Variants in STRBP observed in about 807,000 individuals in gnomAD.
STRBP encodes spermatid perinuclear RNA binding protein.
In STRBP, 13 loss-of-function variants were observed where a neutral mutation model predicts 80.1. The observed-to-expected ratio is 0.16, with a 90% CI of 0.11 to 0.26. The LOEUF (loss-of-function observed/expected upper bound fraction) is 0.26. Among genes scored for constraint, STRBP ranks in the 10% least tolerant of loss-of-function variants. STRBP has a pLI of 1.00. For synonymous variants in STRBP, 284 were observed against 291.2 expected (o/e 0.98, Z 0.25); for missense variants, 485 against 815.2 (o/e 0.59, Z 4.93).
In STRBP at chr9:123,179,040, A is replaced by G. The variant is rs202192111; in HGVS notation, c.191T>C (p.Val64Ala). The G allele has an allele frequency of 1.1e-5, 18 of 1,614,042 alleles. No homozygotes were observed. The highest frequency in any genetic ancestry group is 1.4e-5 in the Non-Finnish European group (17 of 1,179,970). The change falls in exon 4 of 19, where the codon GTG becomes GCG. Residue 64 changes from valine (V) to alanine (A), a missense_variant. By Grantham distance (64) the Val-to-Ala change is moderately conservative. This residue lies in a region of STRBP where 377 missense variants were observed against 616.1 expected (regional missense o/e 0.61). Transcript: ENST00000348403. Reference protein sequence around the residue: ...KGTKTEGETEVKKDEAGENYS... With the variant: ...KGTKTEGETEAKKDEAGENYS... ...GTTTTCTCCGGCCTCATCTTTCTTCACTTCTGTCTCACCCTCTGTTTTTGT... is the reference window on the plus strand; with the variant it reads ...GTTTTCTCCGGCCTCATCTTTCTTCGCTTCTGTCTCACCCTCTGTTTTTGT...
chr9:123,215,315 C>A lies in STRBP; in HGVS notation c.-165+21515G>T, dbSNP rs2039860049. 3.4e-5 allele frequency among the ~76,000 whole-genome samples: 5 copies of A among 149,090 alleles called. No individual in the cohort carries two copies. The South Asian group carries it at 1.1e-3, about 31-fold the overall frequency. Reference sequence around the variant, plus strand: ...CAAGCGATTCTCCAGCCTCAGCCTCCCAAAGCTCTGGGATTATAGGCATGA... The same window carrying A: ...CAAGCGATTCTCCAGCCTCAGCCTCACAAAGCTCTGGGATTATAGGCATGA... On this transcript the variant is annotated intron_variant, in intron 2 of 18. Coordinates refer to ENST00000348403, the MANE Select transcript of STRBP (RefSeq NM_018387.5).
intron 1 of STRBP, among the ~76,000 whole-genome samples, chr9:123,260,194 GGAGA>G (rs750247263): frequency 6.6e-6 from 1 of 152,134 alleles, no homozygotes; most frequent in Non-Finnish European, 1.5e-5. Flanking sequence ...TGATGTTGCA[GGAGA>G]GAGAGAGACA....
chr9:123,145,178 T>A (rs924559479), intron 13 of STRBP, among the ~76,000 whole-genome samples: 2 of 152,168 alleles, frequency 1.3e-5, no homozygotes, highest in African/African-American at 4.8e-5. Context: ...GTCATTCAGA[T>A]CATAACTGAT....
intron 3 of STRBP, among the ~76,000 whole-genome samples, chr9:123,181,996 T>C (rs534756054): frequency 2.5e-4 from 38 of 150,998 alleles, no homozygotes; most frequent in African/African-American, 9.2e-4. Flanking sequence ...GGGTGGATCA[T>C]CAGAGGTCAG....
chr9:123,206,902 T>C (rs796570672), intron 2 of STRBP, among the ~76,000 whole-genome samples: 45 of 152,300 alleles, frequency 3.0e-4, no homozygotes, highest in African/African-American at 1.0e-3. Context: ...CCTCCCAAAG[T>C]GCTAGAATTA....
intron 11 of STRBP, among the ~76,000 whole-genome samples, chr9:123,151,855 A>C (rs2132368146): frequency 1.3e-5 from 2 of 152,268 alleles, no homozygotes; most frequent in Middle Eastern, 6.8e-3. Context: ...AACAGAATAC[A>C]AACATGCAAC....
rs1296461965 is a variant in STRBP, at chr9:123,135,449, T to A, written c.1773+592A>T. 3.2e-4 allele frequency among the ~76,000 whole-genome samples: 48 copies of A among 152,206 alleles called. 1 individual carries two copies. The highest frequency in any genetic ancestry group is 3.1e-3 in the Admixed American group (48 of 15,282). On this transcript the variant is annotated intron_variant, in intron 16 of 18. Transcript: ENST00000348403. ...AATGTTTTTTGAATGCATAAATGAA[T>A]GGATGGAAGAATCTCATATCCACAA...
downstream of STRBP, among the ~76,000 whole-genome samples, chr9:123,120,396 T>A (rs1228374486): frequency 1.3e-5 from 2 of 150,122 alleles, no homozygotes; most frequent in Non-Finnish European, 3.0e-5. Context: ...GGGAAGACCA[T>A]TCACAGAGCA....
At chr9:123,137,109 G>A (rs2036388491) in intron 14 of STRBP, among the ~76,000 whole-genome samples, 1 of 152,126 alleles carries the variant, frequency 6.6e-6, no homozygotes, top group South Asian at 2.1e-4. Flanking sequence ...TATCATCACT[G>A]CAAAATAACG....
chr9:123,264,348 G>A (rs1321071251), intron 1 of STRBP, among the ~76,000 whole-genome samples: 1 of 152,212 alleles, frequency 6.6e-6, no homozygotes, highest in Non-Finnish European at 1.5e-5. Context: ...AAATTGGAAA[G>A]GTAAGCAGAC....
At chr9:123,218,839 CAAT>C (rs1008229035) in intron 2 of STRBP, among the ~76,000 whole-genome samples, 1 of 152,064 alleles carries the variant, frequency 6.6e-6, no homozygotes, top group Non-Finnish European at 1.5e-5. Flanking sequence ...ATAACACTAA[CAAT>C]AATAATAAAA....
intron 1 of STRBP, among the ~76,000 whole-genome samples, chr9:123,256,018 C>CTTTTTTTTTTTTTTTTTTTTTTTT (rs11338372): frequency 9.8e-5 from 7 of 71,482 alleles, no homozygotes; most frequent in Admixed American, 1.7e-4. Flanking sequence ...TCCTTTCTTT[C>CTTTTTTTTTTTTTTTTTTTTTTTT]TTTTTTTTTT....
At chr9:123,209,914 T>C (rs1001050172) in intron 2 of STRBP, among the ~76,000 whole-genome samples, 2 of 152,146 alleles carry the variant, frequency 1.3e-5, no homozygotes, top group African/African-American at 4.8e-5. Flanking sequence ...AAAGGGTAAA[T>C]CATTCAAGAA....
chr9:123,120,007 A>G (rs1429150766), downstream of STRBP, among the ~76,000 whole-genome samples: 4 of 152,190 alleles, frequency 2.6e-5, no homozygotes, highest in African/African-American at 9.7e-5. Flanking sequence ...GTGGGAAAGG[A>G]TATCTATTCT....
rs143724633 is a variant in STRBP at position 123,262,657 on chromosome 9, G to C, written c.-302+5779C>G. 3.0e-3 allele frequency among the ~76,000 whole-genome samples: 460 copies of C among 152,338 alleles called. 3 individuals are homozygous for C. Among genetic ancestry groups the C allele is most frequent in the Admixed American group, 9.0e-3 (137 of 15,300 alleles). ...AAAGCAGATGTTTTACACAGCGCTA[G>C]TTATGTCAGAAGTTAAGAGAATCTG... On this transcript the variant is annotated intron_variant, in intron 1 of 18. Coordinates refer to ENST00000348403, the MANE Select transcript of STRBP (RefSeq NM_018387.5).
chr9:123,130,499 C>A (rs1206975838), intron 17 of STRBP, among the ~76,000 whole-genome samples: 4 of 152,058 alleles, frequency 2.6e-5, no homozygotes, highest in Admixed American at 6.6e-5. Context: ...TAGCCATTTA[C>A]CACTCTAGCA....
At chr9:123,159,238 T>G (rs780613603) in intron 8 of STRBP, 31 bp from the exon 9 acceptor site, 28 of 1,465,648 alleles carry the variant, frequency 1.9e-5, no homozygotes, top group Non-Finnish European at 2.7e-5. Context: ...AATTAGTACA[T>G]GCACCAAGTG....
At chr9:123,114,450 C>CTT (rs1034296849) in intron 3 of STRBP, 6 of 167,130 alleles carry the variant, frequency 3.6e-5, no homozygotes, top group African/African-American at 1.4e-4. Context: ...AATGGATTAA[C>CTT]TTTTTGCCAA....
intron 11 of STRBP, among the ~76,000 whole-genome samples, chr9:123,155,620 A>G (rs1320629395): frequency 1.3e-5 from 2 of 152,176 alleles, no homozygotes; most frequent in African/African-American, 4.8e-5. Flanking sequence ...GAGCTGAAAT[A>G]AGGGTAGGAG....
Sources: gnomAD v4.1 joint callset for allele counts (sites outside exome capture counted in the v4.1 genomes callset) on GRCh38, gnomAD v4.1.1 for gene constraint, gnomAD v4.1.1 regional missense constraint, MANE v1.5 for transcripts, NCBI Gene and HGNC (gene_info 2026-07-23, HGNC 2026-07-21) for gene names.